The following UTRN variants were observed in gnomAD, a reference collection of about 807,000 sequenced individuals.
UTRN encodes the protein dystrophin-related protein 1.
UTRN carries 283 observed loss-of-function variants against 463.9 expected under a neutral mutation model. The ratio of observed to expected loss-of-function variants is 0.61; its 90% CI spans 0.55 to 0.67. The LOEUF (loss-of-function observed/expected upper bound fraction) is 0.67. Ranked by LOEUF, UTRN falls within the 30% of genes least tolerant of loss-of-function variation. The pLI is 0.00. For missense variants in UTRN, 3,922 were observed against 4,084.3 expected (o/e 0.96, Z 1.08); for synonymous variants, 1,442 against 1,431.5 (o/e 1.01, Z -0.17).
Position 144,818,068 on chromosome 6 carries a change from GGCACT to G in UTRN, c.9358-2813_9358-2809del, listed in dbSNP as rs1779238367. Among the ~76,000 whole-genome samples, 10 of 152,156 alleles carry G rather than the reference GGCACT, an allele frequency of 6.6e-5. No homozygotes were observed. The South Asian group carries it at 1.9e-3, about 28-fold the overall frequency. ...AGAATGTATGCTGTGGAATTGAACT[GGCACT>G]TTTGAATAATTTGTCATTTTTTTCA... On this transcript the variant is annotated intron_variant, in intron 65 of 74. Coordinates refer to ENST00000367545, the MANE Select transcript of UTRN (RefSeq NM_007124.3).
intron 52 of UTRN, among the ~76,000 whole-genome samples, chr6:144,699,362 C>A (rs144579437): frequency 6.6e-6 from 1 of 151,484 alleles, no homozygotes; most frequent in Non-Finnish European, 1.5e-5. Flanking sequence ...ATAGTTTGAA[C>A]CCAGGAGGCA....
chr6:144,363,163 T>C (rs1348177233), intron 2 of UTRN, among the ~76,000 whole-genome samples: 2 of 152,212 alleles, frequency 1.3e-5, no homozygotes, highest in Non-Finnish European at 1.5e-5. Context: ...AGAGAAACCA[T>C]GGCACACAAA....
At chr6:144,712,127 T>A (rs980789591) in intron 53 of UTRN, among the ~76,000 whole-genome samples, 2 of 152,178 alleles carry the variant, frequency 1.3e-5, no homozygotes, top group African/African-American at 2.4e-5. Flanking sequence ...TTAAAAAAAA[T>A]TATTTTCCAA....
chr6:144,579,660 A>G (rs1426480853), intron 51 of UTRN, among the ~76,000 whole-genome samples: 1 of 152,250 alleles, frequency 6.6e-6, no homozygotes, highest in Non-Finnish European at 1.5e-5. Flanking sequence ...ATCTAAGCAC[A>G]GGATTACTTA....
In UTRN at chr6:144,488,762, G is replaced by A; in HGVS notation, c.4062G>A (p.Gly1354=). The change falls in exon 30 of 75, where the codon GGG becomes GGA. Residue 1354 remains glycine, a synonymous_variant. Coordinates refer to ENST00000367545, the MANE Select transcript of UTRN (RefSeq NM_007124.3). ...TTCAAGTCTTGCAAGAGAGCTTGGGGGAGCTGGACAAACAGCTCACCACAT... is the reference window on the plus strand; with the variant it reads ...TTCAAGTCTTGCAAGAGAGCTTGGGAGAGCTGGACAAACAGCTCACCACAT... ...QMLQVLQESL[G]ELDKQLTTYL... 2 of 1,612,924 alleles carry A rather than the reference G, an allele frequency of 1.2e-6. No individual in the cohort carries two copies. The highest frequency in any genetic ancestry group is 1.7e-6 in the Non-Finnish European group (2 of 1,179,300).
chr6:144,798,516 T>A (rs559868412), intron 64 of UTRN, among the ~76,000 whole-genome samples: 20 of 152,312 alleles, frequency 1.3e-4, no homozygotes. Flanking sequence ...GACTCTTCAG[T>A]TTGTGACCCC....
At chr6:144,363,069 C>T (rs1779213140) in intron 2 of UTRN, among the ~76,000 whole-genome samples, 1 of 152,060 alleles carries the variant, frequency 6.6e-6, no homozygotes, top group South Asian at 2.1e-4. Flanking sequence ...GTACATAGCA[C>T]TTTTAATTTT....
chr6:144,504,566 A>G (rs183501736), intron 34 of UTRN, among the ~76,000 whole-genome samples: 34 of 152,236 alleles, frequency 2.2e-4, no homozygotes, highest in Admixed American at 1.4e-3. Context: ...GATTACATTT[A>G]TTGATTTGCA....
chr6:144,505,380 G>C (rs1794610546), intron 34 of UTRN, among the ~76,000 whole-genome samples: 1 of 152,154 alleles, frequency 6.6e-6, no homozygotes, highest in African/African-American at 2.4e-5. Context: ...GCTTTCTCAT[G>C]TGGGCAGTTA....
At chr6:144,810,370 A>C (rs1223726112) in intron 65 of UTRN, among the ~76,000 whole-genome samples, 1 of 152,170 alleles carries the variant, frequency 6.6e-6, no homozygotes, top group Non-Finnish European at 1.5e-5. Context: ...CAAATGAAAA[A>C]GATGTTATAG....
intron 3 of UTRN, among the ~76,000 whole-genome samples, chr6:144,409,758 T>G (rs565193096): frequency 6.6e-6 from 1 of 152,214 alleles, no homozygotes; most frequent in South Asian, 2.1e-4. Context: ...GAGTCACACT[T>G]AGGGGGAAGC....
intron 48 of UTRN, among the ~76,000 whole-genome samples, chr6:144,552,059 A>G (rs1333003818): frequency 6.6e-6 from 1 of 152,172 alleles, no homozygotes; most frequent in Non-Finnish European, 1.5e-5. Context: ...ATAGATTGTG[A>G]ATATCCGTCT....
intron 9 of UTRN, among the ~76,000 whole-genome samples, chr6:144,435,563 A>C (rs763971196): frequency 1.3e-5 from 2 of 152,232 alleles, no homozygotes; most frequent in Non-Finnish European, 2.9e-5. Context: ...CTCCTCTACG[A>C]AACTTTCCTG....
At chr6:144,441,984 G>A (rs1304354621) in intron 13 of UTRN, among the ~76,000 whole-genome samples, 1 of 152,094 alleles carries the variant, frequency 6.6e-6, no homozygotes, top group East Asian at 1.9e-4. Flanking sequence ...CACAAGGCAC[G>A]GGGACCCTGA....
intron 25 of UTRN, 151 bp downstream of exon 25, chr6:144,474,910 G>A: frequency 3.7e-6 from 3 of 802,530 alleles, no homozygotes; most frequent in South Asian, 5.0e-5. Flanking sequence ...CAAAAAAAAA[G>A]GCATCATTTT....
intron 34 of UTRN, among the ~76,000 whole-genome samples, chr6:144,508,484 T>G (rs1005206432): frequency 2.0e-5 from 3 of 152,184 alleles, no homozygotes; most frequent in African/African-American, 7.2e-5. Context: ...CCCTCATGGC[T>G]TCCCTTGGCT....
intron 61 of UTRN, among the ~76,000 whole-genome samples, chr6:144,783,121 A>T (rs1775993999): frequency 6.6e-6 from 1 of 151,874 alleles, no homozygotes; most frequent in Non-Finnish European, 1.5e-5. Flanking sequence ...TCTTGAACTC[A>T]GGAGGCAAAG....
intron 55 of UTRN, among the ~76,000 whole-genome samples, chr6:144,749,084 G>C (rs947534580): frequency 2.0e-5 from 3 of 152,082 alleles, no homozygotes; most frequent in Non-Finnish European, 4.4e-5. Flanking sequence ...AATTAGTTTA[G>C]CTATAAATTC....
intron 53 of UTRN, among the ~76,000 whole-genome samples, chr6:144,719,454 G>GTC (rs1385226939): frequency 6.6e-6 from 1 of 152,148 alleles, no homozygotes; most frequent in Non-Finnish European, 1.5e-5. Flanking sequence ...ACACCTGCCT[G>GTC]TAATCCCAGC....
Sources: allele counts gnomAD v4.1 joint callset (sites outside exome capture counted in the v4.1 genomes callset), GRCh38; gene constraint gnomAD v4.1.1; transcripts MANE v1.5; gene names NCBI Gene and HGNC (gene_info 2026-07-23, HGNC 2026-07-21).